Variants in ZNF609 observed in about 807,000 individuals in gnomAD.
ZNF609 encodes zinc finger protein 609.
Under a neutral mutation model 109.5 loss-of-function variants are expected in ZNF609, and 11 were observed. The observed-to-expected ratio is 0.10, with a 90% confidence interval of 0.06 to 0.17. The LOEUF (loss-of-function observed/expected upper bound fraction) is 0.17. Ranked by LOEUF, ZNF609 falls within the 10% of genes least tolerant of loss-of-function variation. The pLI is 1.00. For missense variants in ZNF609, 1,559 were observed against 1,772.4 expected, an observed-to-expected ratio of 0.88 and a Z score of 2.16; for synonymous variants, 646 against 662.0, an observed-to-expected ratio of 0.98 and a Z score of 0.37.
chr15:64,500,014 G>C lies in ZNF609; in HGVS notation c.595G>C (p.Asp199His). 1 of 1,614,206 alleles carries C rather than the reference G, an allele frequency of 6.2e-7. No individual in the cohort carries two copies. Among genetic ancestry groups the C allele is most frequent in the East Asian group, 2.2e-5 (1 of 44,880 alleles). ...CTTGGGAGGACGGGGTGGTCAGTAT[G>C]ATGGAAGTGCAGGGGTGGATACAGG... ...VPLGGRGGQY[D>H]GSAGVDTGAV... The change falls in exon 2 of 10, where the codon GAT becomes CAT. Residue 199 changes from aspartate to histidine, a missense_variant. Asp to His is a moderately conservative substitution (Grantham distance 81, BLOSUM62 -1). Coordinates refer to ENST00000326648, the MANE Select transcript of ZNF609 (RefSeq NM_015042.2).
intron 2 of ZNF609, among the ~76,000 whole-genome samples, chr15:64,607,684 T>A (rs1160364433): frequency 1.3e-5 from 2 of 151,672 alleles, no homozygotes; most frequent in Non-Finnish European, 2.9e-5. Context: ...TTTGTATTTT[T>A]AGTACTGACG....
chr15:64,618,361 C>T (rs1384042704), intron 2 of ZNF609, among the ~76,000 whole-genome samples: 1 of 152,148 alleles, frequency 6.6e-6, no homozygotes, highest in Admixed American at 6.6e-5. Flanking sequence ...GGGGCTCCAA[C>T]CCCGGCAGTG....
At chr15:64,587,948 C>T (rs1317102888) in intron 2 of ZNF609, among the ~76,000 whole-genome samples, 1 of 151,668 alleles carries the variant, frequency 6.6e-6, no homozygotes, top group Non-Finnish European at 1.5e-5. Context: ...CCATGTTGGT[C>T]AGGCTGGTCT....
intron 2 of ZNF609, among the ~76,000 whole-genome samples, chr15:64,517,936 C>T (rs1290651178): frequency 6.6e-6 from 1 of 151,840 alleles, no homozygotes; most frequent in African/African-American, 2.4e-5. Context: ...CGTGCCACCA[C>T]ACCTGACCAA....
At chr15:64,467,191 C>G (rs1399426066) in intron 1 of ZNF609, among the ~76,000 whole-genome samples, 1 of 152,176 alleles carries the variant, frequency 6.6e-6, no homozygotes, top group Non-Finnish European at 1.5e-5. Context: ...AGAAATTTTT[C>G]CTTCTTTCTT....
At chr15:64,576,644 A>T (rs904669386) in intron 2 of ZNF609, among the ~76,000 whole-genome samples, 1 of 151,876 alleles carries the variant, frequency 6.6e-6, no homozygotes, top group African/African-American at 2.4e-5. Flanking sequence ...GGAATCCTCA[A>T]AATAGTGGAT....
chr15:64,527,375 G>A (rs916889764), intron 2 of ZNF609, among the ~76,000 whole-genome samples: 3 of 149,752 alleles, frequency 2.0e-5, no homozygotes, highest in African/African-American at 2.5e-5. Context: ...GACATGTTAC[G>A]GCCCTGCTTA....
intron 4 of ZNF609, chr15:64,671,370 A>T (rs765503454): frequency 1.3e-5 from 2 of 152,104 alleles, no homozygotes; most frequent in Non-Finnish European, 2.9e-5. Context: ...TTATATTTTT[A>T]AAATTAGGAA....
chr15:64,509,463 T>C (rs1369274162), intron 2 of ZNF609, among the ~76,000 whole-genome samples: 2 of 152,206 alleles, frequency 1.3e-5, no homozygotes, highest in African/African-American at 4.8e-5. Flanking sequence ...TGCAAGGTCA[T>C]TGTGAAATTA....
chr15:64,675,307 C>G lies in ZNF609; in HGVS notation c.2453C>G (p.Pro818Arg). Residue 818 changes from proline (P) to arginine (R), a missense_variant, in exon 5 of 10, where the codon CCT becomes CGT. Transcript: ENST00000326648. ...GGSSRLENTT[P>R]TQPLTPLHVV... ...AGTAGCCGCCTTGAAAACACTACCC[C>G]TACTCAGCCCCTGACTCCCTTACAT... 1 of 1,614,120 alleles carries G rather than the reference C, an allele frequency of 6.2e-7. No homozygotes were observed. Among genetic ancestry groups the G allele is most frequent in the African/African-American group, 1.3e-5 (1 of 75,042 alleles).
At chr15:64,616,606 A>C (rs1156494460) in intron 2 of ZNF609, among the ~76,000 whole-genome samples, 14 of 125,274 alleles carry the variant, frequency 1.1e-4, no homozygotes, top group African/African-American at 4.1e-4. Context: ...TGCAAGCTCC[A>C]CCTCCCAGGT....
chr15:64,637,632 G>T (rs908824631), intron 3 of ZNF609, among the ~76,000 whole-genome samples: 1 of 152,086 alleles, frequency 6.6e-6, no homozygotes, highest in South Asian at 2.1e-4. Flanking sequence ...TCCCTGGTGA[G>T]TAATGAAATT....
At chr15:64,617,728 T>C (rs1895821040) in intron 2 of ZNF609, among the ~76,000 whole-genome samples, 1 of 151,970 alleles carries the variant, frequency 6.6e-6, no homozygotes, top group Non-Finnish European at 1.5e-5. Flanking sequence ...TGTAGTGAGC[T>C]GAGATCACGC....
intron 2 of ZNF609, among the ~76,000 whole-genome samples, chr15:64,534,857 A>G (rs1567007641): frequency 6.6e-6 from 1 of 151,296 alleles, no homozygotes; most frequent in Non-Finnish European, 1.5e-5. Context: ...ACGTGGTGAA[A>G]CCCTATCTCC....
intron 1 of ZNF609, among the ~76,000 whole-genome samples, chr15:64,468,009 C>CTTTTTTTTTTTTTTTTTTTTTTTTTTTTT (rs796251076): frequency 7.0e-6 from 1 of 143,286 alleles, no homozygotes; most frequent in Admixed American, 7.0e-5. Context: ...TACTAGTATG[C>CTTTTTTTTTTTTTTTTTTTTTTTTTTTTT]TTTTTTTTTT....
chr15:64,485,524 T>C (rs1368670674), intron 1 of ZNF609, among the ~76,000 whole-genome samples: 1 of 152,220 alleles, frequency 6.6e-6, no homozygotes, highest in Non-Finnish European at 1.5e-5. Context: ...GCAGTGGGGT[T>C]GGGTGCAGTG....
At position 64,675,930 on chromosome 15, in the gene ZNF609, G is replaced by C; in HGVS notation, c.3076G>C (p.Glu1026Gln). ...GCAGCGGGGAGTGGACAAGAAGGCA[G>C]AGATGGGCCTGAAGGAGCGGGAGGC... Reference protein sequence around the residue: ...QQQRGVDKKAEMGLKEREAAL... With the variant: ...QQQRGVDKKAQMGLKEREAAL... The change falls in exon 5 of 10, where the codon GAG (glutamate) becomes CAG (glutamine). Residue 1026 changes from glutamate to glutamine, a missense_variant. Glu to Gln is a conservative substitution (Grantham distance 29, BLOSUM62 2). Transcript: ENST00000326648. 2 of 1,614,242 alleles carry C rather than the reference G, an allele frequency of 1.2e-6. No individual in the cohort carries two copies. Among genetic ancestry groups the C allele is most frequent in the Non-Finnish European group, 8.5e-7 (1 of 1,180,052 alleles).
At chr15:64,557,811 C>A (rs561966235) in intron 2 of ZNF609, among the ~76,000 whole-genome samples, 1 of 152,256 alleles carries the variant, frequency 6.6e-6, no homozygotes, top group South Asian at 2.1e-4. Context: ...GTTCTCCTGC[C>A]TCAGCCTCCC....
chr15:64,679,646 A>G (rs1302586715), intron 6 of ZNF609, among the ~76,000 whole-genome samples: 4 of 152,242 alleles, frequency 2.6e-5, no homozygotes, highest in Admixed American at 1.3e-4. Context: ...ACCCATCAAT[A>G]TAAAAATCAT....
Sources: allele counts gnomAD v4.1 joint callset (sites outside exome capture counted in the v4.1 genomes callset), GRCh38; gene constraint gnomAD v4.1.1; transcripts MANE v1.5; gene names NCBI Gene and HGNC (gene_info 2026-07-23, HGNC 2026-07-21).